The following CACNA1D variants were observed in gnomAD, a reference collection of about 807,000 sequenced individuals.
CACNA1D encodes voltage-dependent L-type calcium channel subunit alpha-1D.
A neutral mutation model predicts 257.1 loss-of-function variants in CACNA1D; 55 were observed. The ratio of observed to expected loss-of-function variants is 0.21; its 90% CI spans 0.17 to 0.27. CACNA1D has a LOEUF of 0.27. Among genes scored for constraint, CACNA1D ranks in the 10% least tolerant of loss-of-function variants. CACNA1D has a pLI of 1.00. For missense variants in CACNA1D, 1,876 were observed against 2,784.0 expected (o/e 0.67, Z 7.34); for synonymous variants, 980 against 1,014.9 (o/e 0.97, Z 0.65).
chr3:53,596,256 C>G lies in CACNA1D; in HGVS notation c.484-54523C>G, dbSNP rs867543032. On this transcript the variant is annotated intron_variant, in intron 3 of 47. Coordinates refer to ENST00000350061, the MANE Select transcript of CACNA1D (RefSeq NM_001128840.3). ...GACCTTCATCCCCCCTCCCCCCACT[C>G]CCTGTACCCTTTGAGTGCCCCTGCC... Among the ~76,000 whole-genome samples the G allele has an allele frequency of 8.6e-5, 13 of 152,020 alleles. No individual in the cohort carries two copies. In the South Asian group the frequency reaches 2.5e-3, roughly 29 times the overall value.
chr3:53,536,936 G>T (rs9870689), intron 3 of CACNA1D, among the ~76,000 whole-genome samples: 3,924 of 152,284 alleles, frequency 0.026, 178 homozygotes, highest in African/African-American at 0.088. Flanking sequence ...TCGTTTTGAA[G>T]TTCAGCTTTT....
chr3:53,520,889 TCTTTCTTTTCTTTTC>T (rs1263800310), intron 3 of CACNA1D, among the ~76,000 whole-genome samples: 3 of 66,472 alleles, frequency 4.5e-5, no homozygotes, highest in African/African-American at 1.0e-4. Context: ...TTTCTTTCTT[TCTTTCTTTTCTTTTC>T]TTTTCTTTTC....
At chr3:53,668,241 T>C (rs1397853507) in intron 7 of CACNA1D, among the ~76,000 whole-genome samples, 1 of 152,192 alleles carries the variant, frequency 6.6e-6, no homozygotes, top group African/African-American at 2.4e-5. Context: ...ATGCCTTGAC[T>C]GATGAAAAAT....
chr3:53,675,243 G>A (rs2094363689), intron 8 of CACNA1D, among the ~76,000 whole-genome samples: 1 of 152,312 alleles, frequency 6.6e-6, no homozygotes. Context: ...TAGATGAGTG[G>A]CTCCTCAAGC....
intron 3 of CACNA1D, among the ~76,000 whole-genome samples, chr3:53,556,624 C>T (rs969607859): frequency 6.6e-6 from 1 of 151,826 alleles, no homozygotes; most frequent in African/African-American, 2.4e-5. Flanking sequence ...CCCCATATAT[C>T]CTGGATCCAG....
chr3:53,502,481 T>G (rs2090646961), intron 3 of CACNA1D, among the ~76,000 whole-genome samples: 1 of 152,048 alleles, frequency 6.6e-6, no homozygotes, highest in Non-Finnish European at 1.5e-5. Flanking sequence ...TTTTTTTTTT[T>G]TGGCAAAAGA....
chr3:53,538,508 T>C (rs2092199231), intron 3 of CACNA1D, among the ~76,000 whole-genome samples: 2 of 152,204 alleles, frequency 1.3e-5, no homozygotes, highest in Admixed American at 6.5e-5. Flanking sequence ...AGTGACTGGT[T>C]TGTTTTTTGG....
At position 53,674,070 on chromosome 3, in the gene CACNA1D, C is replaced by T. The variant is rs78077113; in HGVS notation, c.1220+944C>T. On this transcript the variant is annotated intron_variant, in intron 8 of 47. Transcript: ENST00000350061. ...AAAGCCAGTTGTGTTAGTATGTGAACGTGTAGAGGTGGATTACAAGTGAGT... is the reference window on the plus strand; with the variant it reads ...AAAGCCAGTTGTGTTAGTATGTGAATGTGTAGAGGTGGATTACAAGTGAGT... 4,048 of 572,562 alleles carry T rather than the reference C, an allele frequency of 7.1e-3. 125 individuals are homozygous for T. In the East Asian group the frequency reaches 0.077, roughly 11 times the overall value. The allele number at this position is 572,562 out of a possible 1,614,324, so 35.5% of individuals were successfully genotyped here. A position where few individuals can be genotyped will look rare whatever the true frequency, so the allele number is the denominator to read the frequency against.
intron 3 of CACNA1D, among the ~76,000 whole-genome samples, chr3:53,535,584 T>G (rs2107483746): frequency 6.6e-6 from 1 of 152,350 alleles, no homozygotes; most frequent in Middle Eastern, 3.4e-3. Context: ...CTTAATGTTT[T>G]CTGTGGAGTG....
Position 53,735,473 on chromosome 3 carries a change from C to T in CACNA1D, c.2721C>T (p.Asp907=), listed in dbSNP as rs142208141. The stretch of plus-strand genomic sequence containing the variant: ...GCAGCGCTGCCCTGGCCGCAGAGGA[C>T]CCCATCCGCAGCCACTCCTTCCGGA... The part of the protein sequence containing the change: ...MLSSAALAAE[D]PIRSHSFRNT... Residue 907 remains aspartate, a synonymous_variant, in exon 20 of 48, where the codon GAC becomes GAT. Coordinates refer to ENST00000350061, the MANE Select transcript of CACNA1D (RefSeq NM_001128840.3). The T allele has an allele frequency of 7.5e-5, 121 of 1,613,728 alleles. No individual in the cohort carries two copies. Among genetic ancestry groups the T allele is most frequent in the Non-Finnish European group, 9.4e-5 (111 of 1,179,806 alleles).
intron 3 of CACNA1D, among the ~76,000 whole-genome samples, chr3:53,610,130 T>C (rs1417577512): frequency 6.6e-6 from 1 of 152,242 alleles, no homozygotes; most frequent in Non-Finnish European, 1.5e-5. Context: ...TTCAATGTAT[T>C]AATGCTTGTT....
At chr3:53,586,304 G>A (rs1281849708) in intron 3 of CACNA1D, among the ~76,000 whole-genome samples, 1 of 151,756 alleles carries the variant, frequency 6.6e-6, no homozygotes, top group Non-Finnish European at 1.5e-5. Flanking sequence ...GTGTGTGTGT[G>A]TGTGTGTGTG....
At chr3:53,683,160 G>C (rs999479637) in intron 8 of CACNA1D, among the ~76,000 whole-genome samples, 1 of 152,170 alleles carries the variant, frequency 6.6e-6, no homozygotes, top group Non-Finnish European at 1.5e-5. Flanking sequence ...TTTGAAATCT[G>C]ACCATATACT....
At chr3:53,784,845 G>A (rs1653849353) in intron 39 of CACNA1D, among the ~76,000 whole-genome samples, 2 of 152,214 alleles carry the variant, frequency 1.3e-5, no homozygotes, top group Admixed American at 6.5e-5. Flanking sequence ...AAGCCCAGCA[G>A]CCAGTGTGGC....
chr3:53,616,175 G>A (rs2093634278), intron 3 of CACNA1D, among the ~76,000 whole-genome samples: 1 of 152,188 alleles, frequency 6.6e-6, no homozygotes, highest in Non-Finnish European at 1.5e-5. Flanking sequence ...GCTAAGGGCT[G>A]TGCACGTAGC....
At position 53,723,724 on chromosome 3, in the gene CACNA1D, C is replaced by G. The variant is rs907131846; in HGVS notation, c.1892+65C>G. 6.3e-7 allele frequency: 1 copy of G among 1,587,150 alleles called. No individual in the cohort carries two copies. Among genetic ancestry groups the G allele is most frequent in the East Asian group, 2.2e-5 (1 of 44,720 alleles). On this transcript the variant is annotated intron_variant, in intron 13 of 47. Coordinates refer to ENST00000350061, the MANE Select transcript of CACNA1D (RefSeq NM_001128840.3). The surrounding 1 kb of genome is among the most constrained non-coding windows in gnomAD (Gnocchi z 5.6). Reference sequence around the variant, plus strand: ...ATGAGGCGGCAACCAGTCACATCCCCGGGCAGGTGATGTTCTGCTCTGTCC... The same window carrying G: ...ATGAGGCGGCAACCAGTCACATCCCGGGGCAGGTGATGTTCTGCTCTGTCC...
At chr3:53,516,789 G>A (rs573111522) in intron 3 of CACNA1D, among the ~76,000 whole-genome samples, 2 of 152,312 alleles carry the variant, frequency 1.3e-5, no homozygotes, top group East Asian at 1.9e-4. Flanking sequence ...CAAGCCATAC[G>A]GTAGTTACTA....
At chr3:53,767,371 T>C (rs1443170539) in intron 30 of CACNA1D, among the ~76,000 whole-genome samples, 1 of 151,896 alleles carries the variant, frequency 6.6e-6, no homozygotes, top group Non-Finnish European at 1.5e-5. Flanking sequence ...TGGAGACCAG[T>C]CTGGCCAACA....
intron 3 of CACNA1D, among the ~76,000 whole-genome samples, chr3:53,569,237 A>G (rs1006606037): frequency 1.3e-5 from 2 of 152,196 alleles, no homozygotes; most frequent in African/African-American, 4.8e-5. Flanking sequence ...AGAAGCTAAC[A>G]TCTCATGCAT....
Sources: allele counts gnomAD v4.1 joint callset (sites outside exome capture counted in the v4.1 genomes callset), GRCh38; gene constraint gnomAD v4.1.1; non-coding constraint Gnocchi (gnomAD v3.1); transcripts MANE v1.5; gene names NCBI Gene and HGNC (gene_info 2026-07-23, HGNC 2026-07-21).